Variants in PHEX observed in about 807,000 individuals in gnomAD.
PHEX encodes phosphate-regulating neutral endopeptidase PHEX.
A neutral mutation model predicts 68.0 loss-of-function variants in PHEX; 16 were observed. The observed-to-expected ratio is 0.24, with a 90% CI of 0.16 to 0.36. PHEX has a LOEUF of 0.36. Ranked by LOEUF, PHEX falls within the 10% of genes least tolerant of loss-of-function variation. PHEX has a pLI of 1.00. For synonymous variants in PHEX, 208 were observed against 205.1 expected (o/e 1.01, Z -0.12); for missense variants, 480 against 575.5 (o/e 0.83, Z 1.70).
chrX:22,035,691 T>C (rs1411790526), intron 1 of PHEX, among the ~76,000 whole-genome samples: 2 of 111,582 alleles, frequency 1.8e-5, no homozygotes, highest in African/African-American at 6.5e-5. Flanking sequence ...GCCATTCTTA[T>C]GCTCTTGATC....
intron 18 of PHEX, among the ~76,000 whole-genome samples, chrX:22,225,670 G>A (rs1935469469): frequency 8.9e-6 from 1 of 112,295 alleles, no homozygotes; most frequent in Admixed American, 9.4e-5. Flanking sequence ...ATTTTCATGT[G>A]CCACCACAAT....
chrX:22,227,413 G>A, intron 19 of PHEX, 94 bp from the exon 20 acceptor site: 6 of 594,739 alleles, frequency 1.0e-5, no homozygotes, highest in South Asian at 4.7e-5. Flanking sequence ...CATTTTGCAC[G>A]TGGCAGGAGT....
At chrX:22,111,124 G>T (rs1038703143) in intron 9 of PHEX, among the ~76,000 whole-genome samples, 5 of 112,158 alleles carry the variant, frequency 4.5e-5, no homozygotes, top group African/African-American at 1.6e-4. Context: ...GATGTTATTC[G>T]AGGATCTGCT....
At chrX:22,108,503 C>G (rs752185503) in intron 9 of PHEX, among the ~76,000 whole-genome samples, 3 of 111,053 alleles carry the variant, frequency 2.7e-5, no homozygotes, top group Non-Finnish European at 5.7e-5. Flanking sequence ...TCCCCAAAAG[C>G]TATTGAAATA....
intron 3 of PHEX, among the ~76,000 whole-genome samples, chrX:22,055,791 C>T (rs1218457234): frequency 8.9e-6 from 1 of 111,977 alleles, no homozygotes; most frequent in East Asian, 2.8e-4. Flanking sequence ...AAACTCCGAT[C>T]TCAGTTGATC....
chrX:22,225,277 T>C (rs1057214414), intron 18 of PHEX, among the ~76,000 whole-genome samples: 1 of 110,853 alleles, frequency 9.0e-6, no homozygotes, highest in Non-Finnish European at 1.9e-5. Flanking sequence ...GGATAAAGTC[T>C]GCATCTCAGG....
intron 12 of PHEX, among the ~76,000 whole-genome samples, chrX:22,153,104 G>A (rs998213724): frequency 5.5e-5 from 6 of 109,753 alleles, no homozygotes; most frequent in African/African-American, 2.0e-4. Context: ...AGATAGTCCT[G>A]CCTCAGCTTC....
chrX:22,167,737 C>G, intron 12 of PHEX, among the ~76,000 whole-genome samples: 2 of 110,940 alleles, frequency 1.8e-5, no homozygotes, highest in South Asian at 7.7e-4. Flanking sequence ...TCAAGCAATC[C>G]TCCTGCCTCA....
chrX:22,125,529 T>C (rs1931678200), intron 11 of PHEX, among the ~76,000 whole-genome samples: 1 of 111,309 alleles, frequency 9.0e-6, no homozygotes, highest in Admixed American at 9.6e-5. Context: ...TTATTCCTAC[T>C]AGATATGTAC....
At chrX:22,216,492 CTTA>C (rs1268760464) in intron 16 of PHEX, among the ~76,000 whole-genome samples, 1 of 88,041 alleles carries the variant, frequency 1.1e-5, no homozygotes, top group East Asian at 3.3e-4. Context: ...TTTTTTTATG[CTTA>C]TTTATTTATT....
rs111628195 is a variant in PHEX, at chrX:22,055,174, C to CAAAAAAAAAAA, written c.349+7994_349+8004dup. Reference sequence around the variant, plus strand: ...CGGGCAACAGAGAGAGACTCCAGCTCAAAAAAAAAAAAAAAAAAAAAAAAA... The same window carrying CAAAAAAAAAAA: ...CGGGCAACAGAGAGAGACTCCAGCTCAAAAAAAAAAAAAAAAAAAAAAAAAAAAAAAAAAAA... On this transcript the variant is annotated intron_variant, in intron 3 of 21. Transcript: ENST00000379374. 3.0e-3 allele frequency among the ~76,000 whole-genome samples: 200 copies of CAAAAAAAAAAA among 66,004 alleles called. 18 individuals carry two copies. Among genetic ancestry groups the CAAAAAAAAAAA allele is most frequent in the Non-Finnish European group, 4.4e-3 (146 of 33,118 alleles). 57.3% of individuals were successfully genotyped at this position (66,004 alleles called of 115,157 possible).
chrX:22,194,626 T>C (rs892083668), intron 15 of PHEX, among the ~76,000 whole-genome samples: 5 of 112,785 alleles, frequency 4.4e-5, no homozygotes, highest in Non-Finnish European at 9.4e-5. Context: ...TTCTGATTTA[T>C]GCTACTTAAA....
At chrX:22,128,175 C>G (rs1931819700) in intron 11 of PHEX, among the ~76,000 whole-genome samples, 1 of 110,015 alleles carries the variant, frequency 9.1e-6, no homozygotes. Context: ...TATCCTGTCT[C>G]AGCCTCCCAA....
intron 3 of PHEX, among the ~76,000 whole-genome samples, chrX:22,051,045 T>C (rs1438858707): frequency 9.0e-6 from 1 of 111,493 alleles, no homozygotes; most frequent in Non-Finnish European, 1.9e-5. Flanking sequence ...TCAAACAAAG[T>C]GGGAGGCTTC....
At chrX:22,219,171 T>C in intron 17 of PHEX, 68 bp downstream of exon 17, 1 of 721,389 alleles carries the variant, frequency 1.4e-6, no homozygotes, top group South Asian at 2.1e-5. Flanking sequence ...TGTTAATTGT[T>C]ATGATTATCT....
At chrX:22,141,418 A>G (rs1932453284) in intron 12 of PHEX, among the ~76,000 whole-genome samples, 1 of 112,069 alleles carries the variant, frequency 8.9e-6, no homozygotes, top group Non-Finnish European at 1.9e-5. Context: ...AATTATATTA[A>G]GAAATCCAAA....
chrX:22,132,758 A>G (rs957101475), intron 11 of PHEX, among the ~76,000 whole-genome samples: 1 of 112,317 alleles, frequency 8.9e-6, no homozygotes, highest in African/African-American at 3.2e-5. Context: ...CTAGTTTAGT[A>G]GCTACAGACA....
chrX:22,181,507 G>A (rs1057464506), intron 14 of PHEX, among the ~76,000 whole-genome samples: 1 of 111,857 alleles, frequency 8.9e-6, no homozygotes, highest in Non-Finnish European at 1.9e-5. Context: ...TTGAAGTTAA[G>A]TAATGTGATT....
At chrX:22,150,974 A>G (rs1932845755) in intron 12 of PHEX, among the ~76,000 whole-genome samples, 1 of 112,092 alleles carries the variant, frequency 8.9e-6, no homozygotes, top group Non-Finnish European at 1.9e-5. Context: ...GCATCTCAGA[A>G]TAAATAACCA....
Sources: allele counts gnomAD v4.1 joint callset (sites outside exome capture counted in the v4.1 genomes callset), GRCh38; gene constraint gnomAD v4.1.1; transcripts MANE v1.5; gene names NCBI Gene and HGNC (gene_info 2026-07-23, HGNC 2026-07-21).